BMPER: variants seen among roughly 807,000 people sequenced by gnomAD.
BMPER encodes BMP-binding endothelial regulator protein.
In BMPER, 45 loss-of-function variants were observed where a neutral mutation model predicts 87.3. The observed-to-expected ratio is 0.52, with a 90% CI of 0.41 to 0.66. The LOEUF (loss-of-function observed/expected upper bound fraction) is 0.66. BMPER is among the 30% of genes least tolerant of loss of function. The pLI, the probability that BMPER is intolerant of heterozygous loss-of-function variation, is 0.00. For missense variants in BMPER, 784 were observed against 867.5 expected (o/e 0.90, Z 1.21); for synonymous variants, 326 against 316.2 (o/e 1.03, Z -0.33).
At chr7:33,988,078 C>G (rs1312486652) in intron 6 of BMPER, among the ~76,000 whole-genome samples, 2 of 152,060 alleles carry the variant, frequency 1.3e-5, no homozygotes, top group Non-Finnish European at 2.9e-5. Flanking sequence ...AAAAATTACT[C>G]TCACTACATT....
At position 34,085,980 on chromosome 7, in the gene BMPER, C is replaced by G; in HGVS notation, c.1633C>G (p.Leu545Val). The change falls in exon 13 of 15, where the codon CTG becomes GTG. Residue 545 changes from leucine to valine, a missense_variant. Physicochemically the swap from Leu to Val is conservative, Grantham distance 32. Coordinates refer to ENST00000649409, the MANE Select transcript of BMPER (RefSeq NM_001365308.1). ...ACCTCAGAGAAAGCCAGTGCCTGAA[C>G]TGTGTCAAGGGACAGTCAAGGTAAA... Reference protein sequence around the residue: ...NRPQRKPVPELCQGTVKVKLR... With the variant: ...NRPQRKPVPEVCQGTVKVKLR... 6.2e-7 allele frequency: 1 copy of G among 1,614,114 alleles called. No homozygotes were observed. Among genetic ancestry groups the G allele is most frequent in the Non-Finnish European group, 8.5e-7 (1 of 1,180,032 alleles).
At chr7:33,985,860 A>G (rs1352182826) in intron 6 of BMPER, among the ~76,000 whole-genome samples, 2 of 152,166 alleles carry the variant, frequency 1.3e-5, no homozygotes, top group Non-Finnish European at 2.9e-5. Flanking sequence ...TGCGTTTAAA[A>G]ACACTGAAAC....
intron 10 of BMPER, among the ~76,000 whole-genome samples, chr7:34,059,225 C>T (rs1788366416): frequency 6.6e-6 from 1 of 152,160 alleles, no homozygotes; most frequent in African/African-American, 2.4e-5. Flanking sequence ...TCTTGCAGCA[C>T]ATGTTAGTAA....
At position 33,905,746 on chromosome 7, in the gene BMPER, G is replaced by A. The variant is rs752590847; in HGVS notation, c.133G>A (p.Gly45Ser). Residue 45 changes from glycine to serine, a missense_variant and splice_region_variant, in exon 1 of 15, where the codon GGT becomes AGT. Physicochemically the swap from Gly to Ser is moderately conservative, Grantham distance 56. Transcript: ENST00000649409. ...GTCTCTGGCTTCCTCCTTCTTGACA[G>A]GTAGGGGAGGGGGCGGGAGGGACCG... The part of the protein sequence containing the change: ...PMSLASSFLT[G>S]SVAKCENEGE... The A allele has an allele frequency of 6.2e-7, 1 of 1,611,626 alleles. No individual in the cohort carries two copies. The highest frequency in any genetic ancestry group is 8.5e-7 in the Non-Finnish European group (1 of 1,179,386).
intron 11 of BMPER, among the ~76,000 whole-genome samples, chr7:34,078,240 T>C (rs143803448): frequency 1.4e-3 from 207 of 152,308 alleles, no homozygotes; most frequent in Non-Finnish European, 1.9e-3. Context: ...GATCAAAACA[T>C]AGGAATTTTT....
At chr7:33,970,109 C>T (rs892711421) in intron 4 of BMPER, among the ~76,000 whole-genome samples, 3 of 152,100 alleles carry the variant, frequency 2.0e-5, no homozygotes, top group African/African-American at 4.8e-5. Flanking sequence ...AAAGCAAAGA[C>T]GGGGGAAAAT....
At chr7:34,115,506 T>C (rs1790095645) in intron 13 of BMPER, among the ~76,000 whole-genome samples, 1 of 152,220 alleles carries the variant, frequency 6.6e-6, no homozygotes, top group Admixed American at 6.5e-5. Flanking sequence ...CTTTTCCACC[T>C]TATCCCTAGC....
At position 34,154,899 on chromosome 7, in the gene BMPER, T is replaced by C. The variant is rs1287563095; in HGVS notation, c.*1626T>C. The stretch of plus-strand genomic sequence containing the variant: ...CCCTCGTATCTGCAGCCTGAGGTAG[T>C]CAGGTCATTGTTTCAATGCTGCCCT... On this transcript the variant is annotated 3_prime_UTR_variant, in exon 15 of 15. Coordinates refer to ENST00000649409, the MANE Select transcript of BMPER (RefSeq NM_001365308.1). The C allele has an allele frequency of 6.6e-6, 1 of 152,156 alleles. No homozygotes were observed. Among genetic ancestry groups the C allele is most frequent in the Non-Finnish European group, 1.5e-5 (1 of 68,038 alleles). 9.4% of individuals were successfully genotyped at this position (152,156 alleles called of 1,614,324 possible).
chr7:34,111,130 G>GA (rs1416790232), intron 13 of BMPER, among the ~76,000 whole-genome samples: 1 of 152,176 alleles, frequency 6.6e-6, no homozygotes, highest in Non-Finnish European at 1.5e-5. Context: ...CAACTTGTTG[G>GA]AAAAATTATT....
intron 3 of BMPER, among the ~76,000 whole-genome samples, chr7:33,958,958 A>G (rs576220682): frequency 1.3e-5 from 2 of 152,248 alleles, no homozygotes; most frequent in South Asian, 2.1e-4. Flanking sequence ...ATGGTAGTGA[A>G]TAAGTCTCAC....
chr7:33,928,639 C>CAAA (rs35451161), intron 2 of BMPER, among the ~76,000 whole-genome samples: 2,523 of 48,842 alleles, frequency 0.052, 78 homozygotes, highest in Non-Finnish European at 0.06. Flanking sequence ...TTGAAAAAGC[C>CAAA]AAAAAAAAAA....
At chr7:33,966,435 A>C in intron 3 of BMPER, 44 bp from the exon 4 acceptor site, 1 of 1,526,626 alleles carries the variant, frequency 6.6e-7, no homozygotes, top group Middle Eastern at 1.7e-4. Context: ...GGAAACCCAT[A>C]CCCATTCTTG....
At chr7:34,032,734 G>A (rs1015574696) in intron 6 of BMPER, among the ~76,000 whole-genome samples, 1 of 152,118 alleles carries the variant, frequency 6.6e-6, no homozygotes, top group Non-Finnish European at 1.5e-5. Context: ...GCTTTTTAAA[G>A]TAAAATTCAT....
At position 34,074,172 on chromosome 7, in the gene BMPER, T is replaced by TA. The variant is rs1164918749; in HGVS notation, c.1079-4684dup. Among the ~76,000 whole-genome samples the TA allele has an allele frequency of 8.5e-5, 13 of 152,396 alleles. No individual in the cohort carries two copies. In the East Asian group the frequency reaches 2.5e-3, roughly 29 times the overall value. On this transcript the variant is annotated intron_variant, in intron 11 of 14. Transcript: ENST00000649409. ...ACAATATTTCTTGAAATCAGTTTTT[T>TA]ATATACAGATTGGTTACTATTTCTG...
intron 3 of BMPER, among the ~76,000 whole-genome samples, chr7:33,962,257 C>G (rs1785290533): frequency 6.6e-6 from 1 of 152,188 alleles, no homozygotes; most frequent in African/African-American, 2.4e-5. Context: ...CCAAGCTTCT[C>G]TACAAGAATA....
At chr7:34,079,254 G>A (rs191624010) in intron 12 of BMPER, 68 bp downstream of exon 12, 8 of 1,586,636 alleles carry the variant, frequency 5.0e-6, no homozygotes, top group Admixed American at 5.0e-5. Flanking sequence ...AGCACTGCTC[G>A]GTTAGAGCAC....
chr7:34,058,341 A>G (rs1326385677), intron 10 of BMPER, among the ~76,000 whole-genome samples, 178 bp downstream of exon 10: 1 of 152,190 alleles, frequency 6.6e-6, no homozygotes, highest in African/African-American at 2.4e-5. Context: ...TTTTCCTTGC[A>G]TGAAAATAGC....
chr7:34,103,977 C>T (rs1789752366), intron 13 of BMPER, among the ~76,000 whole-genome samples: 1 of 152,214 alleles, frequency 6.6e-6, no homozygotes, highest in African/African-American at 2.4e-5. Context: ...TGCCCCATGT[C>T]ATCTGACAAT....
chr7:33,996,976 T>A (rs765926311), intron 6 of BMPER, among the ~76,000 whole-genome samples: 2 of 152,184 alleles, frequency 1.3e-5, no homozygotes, highest in Non-Finnish European at 2.9e-5. Context: ...GTGGCTACCA[T>A]ATTGGACAGT....
Sources: allele counts gnomAD v4.1 joint callset (sites outside exome capture counted in the v4.1 genomes callset), GRCh38; gene constraint gnomAD v4.1.1; transcripts MANE v1.5; gene names NCBI Gene and HGNC (gene_info 2026-07-23, HGNC 2026-07-21).